The following ST7 variants were observed in gnomAD, a reference collection of about 807,000 sequenced individuals.
ST7 encodes suppression of tumorigenicity 7.
A neutral mutation model predicts 78.7 loss-of-function variants in ST7; 28 were observed. That is an observed-to-expected ratio of 0.36 (90% CI 0.26 to 0.49). ST7 has a LOEUF of 0.49. Ranked by LOEUF, ST7 falls within the 20% of genes least tolerant of loss-of-function variation. The probability of loss-of-function intolerance (pLI) is 0.99; values close to 1 mark genes in which losing one functional copy is unlikely to be tolerated. For missense variants in ST7, 418 were observed against 696.0 expected, an observed-to-expected ratio of 0.60 and a Z score of 4.49; for synonymous variants, 247 against 249.6, an observed-to-expected ratio of 0.99 and a Z score of 0.10.
chr7:117,114,229 T>TA (rs908848744), intron 2 of ST7, among the ~76,000 whole-genome samples: 42 of 139,568 alleles, frequency 3.0e-4, no homozygotes, highest in Middle Eastern at 3.6e-3. Flanking sequence ...ACCAAGAATG[T>TA]AAAAAAAAAA....
intron 9 of ST7, among the ~76,000 whole-genome samples, chr7:117,152,177 CTATA>C (rs58892731): frequency 0.015 from 972 of 66,396 alleles, 8 homozygotes; most frequent in East Asian, 0.03. Context: ...TATATAAAAA[CTATA>C]TATATATATA....
chr7:117,226,361 T>G (rs997536244), intron 15 of ST7, among the ~76,000 whole-genome samples: 4 of 152,318 alleles, frequency 2.6e-5, no homozygotes, highest in Admixed American at 2.6e-4. Flanking sequence ...ATTAAAGATA[T>G]GACCATGTAT....
Position 117,219,987 on chromosome 7 carries a change from G to C in ST7, c.1498+811G>C, listed in dbSNP as rs1165703577. ...ACTTAGGATATATTTTTCTCCCTCAGATAATAAGCTCCAAATTTTAGCTCT... is the reference window on the plus strand; with the variant it reads ...ACTTAGGATATATTTTTCTCCCTCACATAATAAGCTCCAAATTTTAGCTCT... On this transcript the variant is annotated intron_variant, in intron 14 of 15. Transcript: ENST00000323984. The surrounding 1 kb of genome is among the most constrained non-coding windows in gnomAD (Gnocchi z 5.1). Among the ~76,000 whole-genome samples, 1 of 152,186 alleles carries C rather than the reference G, an allele frequency of 6.6e-6. No homozygotes were observed. The highest frequency in any genetic ancestry group is 1.5e-5 in the Non-Finnish European group (1 of 68,034).
chr7:117,128,053 T>C (rs570416479), intron 3 of ST7, among the ~76,000 whole-genome samples: 165 of 152,064 alleles, frequency 1.1e-3, no homozygotes, highest in African/African-American at 3.9e-3. Context: ...GATGAGATTC[T>C]GTGGAGGAGA....
At position 117,065,278 on chromosome 7, in the gene ST7, C is replaced by G. The variant is rs528129013; in HGVS notation, c.152-34484C>G. Reference sequence around the variant, plus strand: ...GGCTGGAGTGCAGTGGCACGATCTCCGCTCACTGCAATCTCCACCTCCTGG... The same window carrying G: ...GGCTGGAGTGCAGTGGCACGATCTCGGCTCACTGCAATCTCCACCTCCTGG... On this transcript the variant is annotated intron_variant, in intron 1 of 15. Coordinates refer to ENST00000323984, the MANE Select transcript of ST7 (RefSeq NM_001369598.1). Among the ~76,000 whole-genome samples, 2 of 150,036 alleles carry G rather than the reference C, an allele frequency of 1.3e-5. 1 individual carries two copies. Among genetic ancestry groups the G allele is most frequent in the African/African-American group, 4.9e-5 (2 of 40,642 alleles).
intron 2 of ST7, among the ~76,000 whole-genome samples, chr7:117,114,753 A>G (rs889675771): frequency 1.3e-4 from 20 of 152,212 alleles, no homozygotes; most frequent in African/African-American, 4.8e-4. Context: ...AGAATATGCA[A>G]TTCAAAAGAA....
rs2116920594 is a variant in ST7 at position 117,116,475 on chromosome 7, C to A, written c.235-3086C>A. On this transcript the variant is annotated intron_variant, in intron 2 of 15. Transcript: ENST00000323984. ...AGCTCTTTTAAAATACTGTGAGGTG[C>A]TCGCCCAAAGCCTGACATATTTCAG... 1.3e-5 allele frequency among the ~76,000 whole-genome samples: 2 copies of A among 152,274 alleles called. 1 individual carries two copies. The highest frequency in any genetic ancestry group is 4.1e-4 in the South Asian group (2 of 4,822).
At chr7:117,211,800 T>A (rs1168425645) in intron 13 of ST7, among the ~76,000 whole-genome samples, 2 of 152,144 alleles carry the variant, frequency 1.3e-5, no homozygotes, top group African/African-American at 2.4e-5. Context: ...ACTGGAAGGA[T>A]AATGAGATTA....
At chr7:116,973,439 TA>T (rs2116271025) in intron 1 of ST7, among the ~76,000 whole-genome samples, 1 of 152,274 alleles carries the variant, frequency 6.6e-6, no homozygotes, top group African/African-American at 2.4e-5. Context: ...TAACTTTTTG[TA>T]AAGATGGGGT....
intron 1 of ST7, among the ~76,000 whole-genome samples, chr7:116,975,216 C>T (rs1050619745): frequency 4.6e-5 from 7 of 152,008 alleles, no homozygotes; most frequent in Admixed American, 3.3e-4. Flanking sequence ...GGGGAACTGC[C>T]CTTTATAAAA....
At chr7:116,970,224 A>G (rs1016230673) in intron 1 of ST7, among the ~76,000 whole-genome samples, 1 of 152,196 alleles carries the variant, frequency 6.6e-6, no homozygotes, top group Non-Finnish European at 1.5e-5. Flanking sequence ...GATTAGTGGT[A>G]CATATTTTGC....
chr7:117,065,182 T>A, intron 1 of ST7, among the ~76,000 whole-genome samples: 1 of 151,512 alleles, frequency 6.6e-6, no homozygotes. Flanking sequence ...AACTAGGAAT[T>A]TGAGGGCTTT....
intron 1 of ST7, among the ~76,000 whole-genome samples, chr7:117,077,233 G>A (rs541935029): frequency 6.6e-6 from 1 of 152,252 alleles, no homozygotes; most frequent in South Asian, 2.1e-4. Flanking sequence ...AGGATGCGGG[G>A]TGGGGCAGAC....
chr7:117,212,172 A>G (rs537971686), intron 13 of ST7, among the ~76,000 whole-genome samples: 19 of 152,230 alleles, frequency 1.2e-4, no homozygotes, highest in Non-Finnish European at 2.1e-4. Context: ...CGAACCTTGA[A>G]GAGTGTTTGT....
At chr7:117,100,567 A>G (rs1222204829) in intron 2 of ST7, among the ~76,000 whole-genome samples, 1 of 152,166 alleles carries the variant, frequency 6.6e-6, no homozygotes, top group Non-Finnish European at 1.5e-5. Context: ...ATGTATTGAC[A>G]TGGATTGTGA....
At chr7:117,220,091 A>G (rs1792977751) in intron 14 of ST7, among the ~76,000 whole-genome samples, 1 of 152,142 alleles carries the variant, frequency 6.6e-6, no homozygotes, top group South Asian at 2.1e-4. Flanking sequence ...TAGCTGTAAC[A>G]TATAAGTACT....
In ST7 at chr7:117,190,740, C is replaced by G; in HGVS notation, c.1152-94C>G. 7 of 956,430 alleles carry G rather than the reference C, an allele frequency of 7.3e-6. No homozygotes were observed. The highest frequency in any genetic ancestry group is 1.2e-5 in the Non-Finnish European group (7 of 607,070). 59.2% of individuals were successfully genotyped at this position (956,430 alleles called of 1,614,324 possible). On this transcript the variant is annotated intron_variant, in intron 11 of 15. Coordinates refer to ENST00000323984, the MANE Select transcript of ST7 (RefSeq NM_001369598.1). The surrounding 1 kb of genome is among the most constrained non-coding windows in gnomAD (Gnocchi z 5.2). ...TTGGAGAGCTCATGCTATTGGCTCA[C>G]TGTGGTTTTATGGGCCCTAGATGTG...
intron 1 of ST7, among the ~76,000 whole-genome samples, chr7:117,026,118 T>G (rs1362549902): frequency 2.6e-5 from 4 of 152,230 alleles, no homozygotes; most frequent in Non-Finnish European, 4.4e-5. Flanking sequence ...ATGGAAACTT[T>G]CCCCATAGCA....
At chr7:117,137,796 A>G (rs1158576400) in intron 8 of ST7, among the ~76,000 whole-genome samples, 1 of 152,202 alleles carries the variant, frequency 6.6e-6, no homozygotes, top group Non-Finnish European at 1.5e-5. Context: ...ATAAAAGATT[A>G]AGATTAGAAA....
Sources: gnomAD v4.1 joint callset for allele counts (sites outside exome capture counted in the v4.1 genomes callset) on GRCh38, gnomAD v4.1.1 for gene constraint, Gnocchi (gnomAD v3.1) non-coding constraint, MANE v1.5 for transcripts, NCBI Gene and HGNC (gene_info 2026-07-23, HGNC 2026-07-21) for gene names.